The following FBXW8 variants were observed in gnomAD, a reference collection of about 807,000 sequenced individuals.
FBXW8 encodes F-box and WD repeat domain containing 8, also known as F-box/WD repeat-containing protein 8.
A neutral mutation model predicts 65.3 loss-of-function variants in FBXW8; 57 were observed. That is an observed-to-expected ratio of 0.87 (90% CI 0.71 to 1.09). FBXW8 has a LOEUF of 1.09. Ranked by LOEUF, FBXW8 falls within the 50% of genes least tolerant of loss-of-function variation. FBXW8 has a pLI of 0.00. For synonymous variants in FBXW8, 308 were observed against 330.2 expected (o/e 0.93, Z 0.73); for missense variants, 777 against 814.8 (o/e 0.95, Z 0.57).
chr12:116,989,158 T>C (rs768185448), intron 7 of FBXW8, among the ~76,000 whole-genome samples: 2 of 152,216 alleles, frequency 1.3e-5, no homozygotes, highest in Non-Finnish European at 2.9e-5. Flanking sequence ...TAAAAACATA[T>C]TGTTGTAGAG....
rs1954318033 is a variant in FBXW8, at chr12:117,029,807, T to C, written c.*1635T>C. ...ACATTTTTAGTAGAGACGGGGGATA[T>C]TGCTATGTTGGCCAGGCTGGTCTCA... is the stretch of plus-strand genomic sequence containing the variant. On this transcript the variant is annotated 3_prime_UTR_variant, in exon 11 of 11. Transcript: ENST00000652555. 6.6e-6 allele frequency: 1 copy of C among 151,918 alleles called. No homozygotes were observed. The highest frequency in any genetic ancestry group is 6.6e-5 in the Admixed American group (1 of 15,224). The allele number at this position is 151,918 out of a possible 1,614,324, so 9.4% of individuals were successfully genotyped here.
At chr12:116,977,063 G>A (rs988286328) in intron 5 of FBXW8, among the ~76,000 whole-genome samples, 4 of 152,154 alleles carry the variant, frequency 2.6e-5, no homozygotes, top group Non-Finnish European at 4.4e-5. Flanking sequence ...TTTGTTGGGG[G>A]GATTTGCATT....
At chr12:116,987,164 GC>G (rs1156934888) in intron 6 of FBXW8, 2 of 152,394 alleles carry the variant, frequency 1.3e-5, no homozygotes, top group African/African-American at 4.8e-5. Context: ...TGGACCCGCA[GC>G]TTGCGGAGCT....
At chr12:116,965,603 C>T (rs1456447795) in intron 5 of FBXW8, among the ~76,000 whole-genome samples, 2 of 152,168 alleles carry the variant, frequency 1.3e-5, no homozygotes, top group Admixed American at 6.5e-5. Context: ...CAGCATATTT[C>T]AGAATGTTAA....
At chr12:116,972,750 C>A (rs1040735983) in intron 5 of FBXW8, among the ~76,000 whole-genome samples, 1 of 152,048 alleles carries the variant, frequency 6.6e-6, no homozygotes, top group South Asian at 2.1e-4. Context: ...TAGGAGGCAT[C>A]GGTGTGGAAT....
chr12:116,999,181 C>T (rs1172211204), intron 7 of FBXW8, among the ~76,000 whole-genome samples: 1 of 152,210 alleles, frequency 6.6e-6, no homozygotes, highest in Non-Finnish European at 1.5e-5. Context: ...GCTCAGCCCA[C>T]ATCTGAGCGG....
At chr12:116,947,736 C>CAA (rs60233448) in intron 3 of FBXW8, among the ~76,000 whole-genome samples, 13 of 74,492 alleles carry the variant, frequency 1.7e-4, no homozygotes, top group African/African-American at 5.0e-4. Context: ...GAGACTGTCT[C>CAA]AAAAAAAAAA....
At chr12:117,018,902 C>A (rs972864461) in intron 8 of FBXW8, among the ~76,000 whole-genome samples, 3 of 152,154 alleles carry the variant, frequency 2.0e-5, no homozygotes, top group Admixed American at 6.5e-5. Flanking sequence ...CAGAGGAGCT[C>A]TTTATGGAAA....
chr12:116,925,121 G>A (rs1881218710), intron 1 of FBXW8, among the ~76,000 whole-genome samples: 1 of 152,156 alleles, frequency 6.6e-6, no homozygotes. Flanking sequence ...ATTCTGAAAT[G>A]GAGATTTGCA....
At chr12:116,911,387 C>A in intron 1 of FBXW8, 32 bp downstream of exon 1, 1 of 1,210,070 alleles carries the variant, frequency 8.3e-7, no homozygotes, top group Non-Finnish European at 1.0e-6. Flanking sequence ...CCCGCCCATG[C>A]CTGCGCCGGC....
chr12:116,938,915 A>C (rs373113624), intron 2 of FBXW8, among the ~76,000 whole-genome samples: 3 of 152,206 alleles, frequency 2.0e-5, no homozygotes, highest in Non-Finnish European at 4.4e-5. Context: ...AAGTAGCCCC[A>C]GTCTGGGTGC....
chr12:116,940,535 C>T (rs1368804372), intron 2 of FBXW8, among the ~76,000 whole-genome samples: 1 of 144,232 alleles, frequency 6.9e-6, no homozygotes, highest in Non-Finnish European at 1.5e-5. Context: ...AAAAAAAAAA[C>T]CCTGAAGAAT....
At chr12:117,015,381 G>A (rs912171566) in intron 8 of FBXW8, among the ~76,000 whole-genome samples, 9 of 152,066 alleles carry the variant, frequency 5.9e-5, no homozygotes, top group African/African-American at 1.7e-4. Context: ...GGCTTACTCC[G>A]TTCTGGCCAG....
chr12:116,985,527 A>C, intron 6 of FBXW8, 125 bp downstream of exon 6: 1 of 887,636 alleles, frequency 1.1e-6, no homozygotes, highest in Non-Finnish European at 1.7e-6. Context: ...TACCTCCATA[A>C]GTCTAACTAC....
At chr12:117,023,712 C>G (rs914248544) in intron 8 of FBXW8, among the ~76,000 whole-genome samples, 1 of 152,226 alleles carries the variant, frequency 6.6e-6, no homozygotes, top group Admixed American at 6.5e-5. Context: ...AAAAAGTGTT[C>G]TTTTCCTAAC....
chr12:117,012,404 G>T (rs905569639), intron 8 of FBXW8, among the ~76,000 whole-genome samples: 2 of 152,156 alleles, frequency 1.3e-5, no homozygotes, highest in African/African-American at 4.8e-5. Flanking sequence ...AGTAGTGCCA[G>T]CTGTGTGCCC....
chr12:116,986,258 G>T (rs1885666269), intron 6 of FBXW8: 1 of 152,138 alleles, frequency 6.6e-6, no homozygotes, highest in South Asian at 2.1e-4. Context: ...TCACCTCCAG[G>T]AGCGTCTGCA....
chr12:116,941,782 T>C (rs900372778), intron 2 of FBXW8, among the ~76,000 whole-genome samples: 14 of 152,208 alleles, frequency 9.2e-5, no homozygotes, highest in African/African-American at 2.7e-4. Context: ...TAAATAGATA[T>C]TGTCTAGTAT....
chr12:116,965,151 CTTGT>C (rs1475717198), intron 5 of FBXW8, among the ~76,000 whole-genome samples: 2 of 152,222 alleles, frequency 1.3e-5, no homozygotes, highest in Non-Finnish European at 2.9e-5. Context: ...AAGCAAATAA[CTTGT>C]TTGATGTAAA....
Sources: gnomAD v4.1 joint callset for allele counts (sites outside exome capture counted in the v4.1 genomes callset) on GRCh38, gnomAD v4.1.1 for gene constraint, MANE v1.5 for transcripts, NCBI Gene and HGNC (gene_info 2026-07-23, HGNC 2026-07-21) for gene names.